VPS41: variants seen among roughly 807,000 people sequenced by gnomAD.
VPS41 encodes the protein vacuolar protein sorting-associated protein 41 homolog.
Under a neutral mutation model 130.9 loss-of-function variants are expected in VPS41, and 85 were observed. The observed-to-expected ratio is 0.65, with a 90% confidence interval of 0.55 to 0.78. The LOEUF is 0.78. Among genes scored for constraint, VPS41 ranks in the 30% least tolerant of loss-of-function variants. The pLI is 0.00. For missense variants in VPS41, 874 were observed against 1,018.7 expected (o/e 0.86, Z 1.93); for synonymous variants, 335 against 332.9 (o/e 1.01, Z -0.07).
At chr7:38,809,464 TTAA>T (rs1784901414) in intron 7 of VPS41, among the ~76,000 whole-genome samples, 1 of 151,488 alleles carries the variant, frequency 6.6e-6, no homozygotes, top group South Asian at 2.1e-4. Flanking sequence ...AAAAACAATC[TTAA>T]TAATAATTTT....
intron 2 of VPS41, among the ~76,000 whole-genome samples, chr7:38,880,653 C>T (rs560441000): frequency 2.6e-5 from 4 of 152,232 alleles, no homozygotes; most frequent in African/African-American, 7.2e-5. Flanking sequence ...CAGTCATATT[C>T]TAAAGTAAAG....
intron 7 of VPS41, among the ~76,000 whole-genome samples, chr7:38,804,622 C>A (rs543636440): frequency 1.4e-4 from 22 of 152,326 alleles, no homozygotes; most frequent in African/African-American, 5.1e-4. Context: ...AGTTAAACAA[C>A]GGACGTGCCA....
chr7:38,849,194 C>T (rs1785794558), intron 4 of VPS41, among the ~76,000 whole-genome samples: 1 of 152,092 alleles, frequency 6.6e-6, no homozygotes, highest in Non-Finnish European at 1.5e-5. Context: ...TTCTTCGGTG[C>T]CCTGCTGCTC....
rs1784209165 is a variant in VPS41 at position 38,774,185 on chromosome 7, A to T, written c.942T>A (p.Cys314Ter). 6.2e-7 allele frequency: 1 copy of T among 1,610,010 alleles called. No individual in the cohort carries two copies. Among genetic ancestry groups the T allele is most frequent in the Non-Finnish European group, 8.5e-7 (1 of 1,176,978 alleles). Reference protein sequence around the residue: ...LDIIQPLSETCEEISSDALTV... With the variant: ...LDIIQPLSET ...TCAAAGCATCAGAAGAGATCTCTTC[A>T]CAAGTCTCAGAAAGTGGCTGGATGA... Residue 314 changes from cysteine to a stop codon, truncating the protein, a stop_gained, in exon 12 of 29, where the codon TGT becomes TGA. Transcript: ENST00000310301. LOFTEE classifies it high-confidence loss of function.
At chr7:38,751,087 C>T (rs1013125913) in intron 22 of VPS41, among the ~76,000 whole-genome samples, 5 of 152,116 alleles carry the variant, frequency 3.3e-5, no homozygotes, top group Non-Finnish European at 5.9e-5. Flanking sequence ...ATGCTAATGT[C>T]GTTTTATAAG....
intron 2 of VPS41, among the ~76,000 whole-genome samples, chr7:38,896,397 T>C (rs186274963): frequency 1.3e-4 from 20 of 152,342 alleles, no homozygotes; most frequent in Middle Eastern, 6.8e-3. Context: ...TCCTTATTAA[T>C]GAAAATGTTA....
intron 4 of VPS41, among the ~76,000 whole-genome samples, chr7:38,847,651 A>C (rs1785756160): frequency 6.6e-6 from 1 of 152,232 alleles, no homozygotes; most frequent in African/African-American, 2.4e-5. Flanking sequence ...AACATATAGC[A>C]GACCCATGAA....
chr7:38,729,066 A>G (rs1373993027), intron 25 of VPS41, among the ~76,000 whole-genome samples: 1 of 152,150 alleles, frequency 6.6e-6, no homozygotes, highest in Non-Finnish European at 1.5e-5. Context: ...CATAAATTCC[A>G]AAGTCTGGCA....
At position 38,838,451 on chromosome 7, in the gene VPS41, G is replaced by T. The variant is rs73357781; in HGVS notation, c.247-8123C>A. On this transcript the variant is annotated intron_variant, in intron 4 of 28. Transcript: ENST00000310301. ...GGCATAAATGTGGGAAAGTGAAAGAGATGAGAGAAAAGAAGACCAGAGAAA... is the reference window on the plus strand; with the variant it reads ...GGCATAAATGTGGGAAAGTGAAAGATATGAGAGAAAAGAAGACCAGAGAAA... 2.3e-3 allele frequency among the ~76,000 whole-genome samples: 345 copies of T among 152,294 alleles called. 3 individuals are homozygous for T. The highest frequency in any genetic ancestry group is 8.0e-3 in the African/African-American group (334 of 41,568).
intron 22 of VPS41, among the ~76,000 whole-genome samples, chr7:38,749,908 G>A (rs2286092): frequency 0.34 from 51,438 of 152,006 alleles, 9,414 homozygotes; most frequent in Admixed American, 0.55. Flanking sequence ...TCTCGCCTAG[G>A]CCGGAGTGCA....
At chr7:38,774,075 AT>A (rs767947252) in intron 12 of VPS41, 39 bp downstream of exon 12, 8 of 1,534,056 alleles carry the variant, frequency 5.2e-6, no homozygotes, top group Non-Finnish European at 6.2e-6. Flanking sequence ...AGAAAAAAAC[AT>A]TAAAAAAGCA....
At chr7:38,753,604 T>C (rs1440102944) in intron 21 of VPS41, among the ~76,000 whole-genome samples, 1 of 152,178 alleles carries the variant, frequency 6.6e-6, no homozygotes, top group Non-Finnish European at 1.5e-5. Context: ...GCCATGTTAG[T>C]GTGGGCTGTG....
chr7:38,820,951 GTGTGTGTA>G (rs984225325), intron 6 of VPS41, among the ~76,000 whole-genome samples: 9 of 151,354 alleles, frequency 5.9e-5, no homozygotes, highest in Non-Finnish European at 1.0e-4. Flanking sequence ...GCGTGCGTGT[GTGTGTGTA>G]TGTGTGTGTG....
At chr7:38,790,594 G>A (rs1784518345) in intron 9 of VPS41, among the ~76,000 whole-genome samples, 1 of 152,206 alleles carries the variant, frequency 6.6e-6, no homozygotes, top group Admixed American at 6.5e-5. Flanking sequence ...GTGATGTGTA[G>A]GCATTGTATC....
At chr7:38,785,113 C>T (rs1032113351) in intron 10 of VPS41, among the ~76,000 whole-genome samples, 2 of 152,224 alleles carry the variant, frequency 1.3e-5, no homozygotes, top group East Asian at 3.9e-4. Context: ...AGATTCTGGC[C>T]CCTTAGTCAC....
At chr7:38,832,338 T>TG (rs1785405778) in intron 4 of VPS41, among the ~76,000 whole-genome samples, 1 of 146,778 alleles carries the variant, frequency 6.8e-6, no homozygotes, top group East Asian at 1.9e-4. Flanking sequence ...TTTTTTTTTT[T>TG]GAGACAGATT....
intron 3 of VPS41, 33 bp downstream of exon 3, chr7:38,869,113 T>C (rs1356667417): frequency 1.4e-5 from 21 of 1,481,324 alleles, no homozygotes; most frequent in Non-Finnish European, 1.9e-5. Flanking sequence ...TGGAAACAAT[T>C]TACAGAAGAA....
At position 38,763,529 on chromosome 7, in the gene VPS41, G is replaced by A. The variant is rs777267183; in HGVS notation, c.1348C>T (p.Pro450Ser). 11 of 1,604,632 alleles carry A rather than the reference G, an allele frequency of 6.9e-6. No homozygotes were observed. In the Admixed American group the frequency reaches 1.9e-4, roughly 28 times the overall value. The change falls in exon 17 of 29, where the codon CCA becomes TCA. Residue 450 changes from proline to serine, a missense_variant. By Grantham distance (74) the Pro-to-Ser change is moderately conservative. Coordinates refer to ENST00000310301, the MANE Select transcript of VPS41 (RefSeq NM_014396.4). ...GGTTTCAGAACTGGATCACCTCTTG[G>A]CAAATAAGGACTAATAGCCTAGGTA... ...GQLKAISPYL[P>S]RGDPVLKPLI... is the part of the protein sequence containing the mutation.
intron 8 of VPS41, among the ~76,000 whole-genome samples, chr7:38,796,026 T>C (rs947241365): frequency 5.9e-5 from 9 of 152,186 alleles, no homozygotes; most frequent in African/African-American, 1.7e-4. Context: ...TTTAAAGTTC[T>C]CAAATGAAAA....
Sources: gnomAD v4.1 joint callset for allele counts (sites outside exome capture counted in the v4.1 genomes callset) on GRCh38, gnomAD v4.1.1 for gene constraint, MANE v1.5 for transcripts, NCBI Gene and HGNC (gene_info 2026-07-23, HGNC 2026-07-21) for gene names.